The following ARHGAP29 variants were observed in gnomAD, a reference collection of about 807,000 sequenced individuals.
ARHGAP29 encodes Rho GTPase activating protein 29.
ARHGAP29 carries 43 observed loss-of-function variants against 122.6 expected under a neutral mutation model. The ratio of observed to expected loss-of-function variants is 0.35; its 90% CI spans 0.27 to 0.45. The LOEUF is 0.45. Among genes scored for constraint, ARHGAP29 ranks in the 20% least tolerant of loss-of-function variants. The pLI is 1.00. For missense variants in ARHGAP29, 1,303 were observed against 1,477.2 expected, an observed-to-expected ratio of 0.88 and a Z score of 1.93; for synonymous variants, 506 against 497.1, an observed-to-expected ratio of 1.02 and a Z score of -0.24.
chr1:94,246,833 C>T (rs1035513812), intron 1 of ARHGAP29, among the ~76,000 whole-genome samples: 7 of 152,066 alleles, frequency 4.6e-5, no homozygotes, highest in African/African-American at 1.7e-4. Flanking sequence ...TTGTCCCTTC[C>T]TATTTTGCAG....
chr1:94,236,145 G>A (rs1434707429), intron 1 of ARHGAP29, among the ~76,000 whole-genome samples: 1 of 152,136 alleles, frequency 6.6e-6, no homozygotes, highest in African/African-American at 2.4e-5. Flanking sequence ...GTTTTAAAAA[G>A]CACTCTCCAC....
At chr1:94,281,134 A>G in the ARHGAP29 span, among the ~76,000 whole-genome samples, 1 of 152,306 alleles carries the variant, frequency 6.6e-6, no homozygotes, top group Non-Finnish European at 1.5e-5. Context: ...AGACACAAAA[A>G]ACAGTGGAAT....
chr1:94,237,360 C>A (rs1232151503), intron 1 of ARHGAP29, 55 bp downstream of exon 1: 9 of 978,804 alleles, frequency 9.2e-6, no homozygotes, highest in Non-Finnish European at 1.1e-5. Flanking sequence ...CGGGCAACCC[C>A]AGCCCGGAGC....
rs557943658 is a variant in ARHGAP29 at position 94,189,510 on chromosome 1, T to C, written c.1440-158A>G. 2.0e-4 allele frequency among the ~76,000 whole-genome samples: 30 copies of C among 152,310 alleles called. No homozygotes were observed. In the South Asian group the frequency reaches 3.3e-3, roughly 17 times the overall value. On this transcript the variant is annotated intron_variant, in intron 13 of 22. Coordinates refer to ENST00000260526, the MANE Select transcript of ARHGAP29 (RefSeq NM_004815.4). ...ACCACACTCATGGTTCAGCTTCTTA[T>C]AGGAGATGTAAATACTTTTTAATTA...
At chr1:94,235,035 A>G (rs1653165345) in intron 1 of ARHGAP29, among the ~76,000 whole-genome samples, 1 of 152,166 alleles carries the variant, frequency 6.6e-6, no homozygotes, top group Non-Finnish European at 1.5e-5. Flanking sequence ...AATCTGCAAA[A>G]AACAAACACA....
At chr1:94,235,922 T>C (rs1407389542) in intron 1 of ARHGAP29, among the ~76,000 whole-genome samples, 1 of 152,188 alleles carries the variant, frequency 6.6e-6, no homozygotes, top group Admixed American at 6.5e-5. Flanking sequence ...ATTACGGCAG[T>C]AGTTTCATTT....
At chr1:94,312,253 C>T in the ARHGAP29 span, among the ~76,000 whole-genome samples, 1 of 152,112 alleles carries the variant, frequency 6.6e-6, no homozygotes, top group Non-Finnish European at 1.5e-5. Context: ...ATGAACTCCA[C>T]ATTGCCAAAT....
At position 94,177,915 on chromosome 1, in the gene ARHGAP29, C is replaced by G. The variant is rs949796673; in HGVS notation, c.2733G>C (p.Leu911=). 1.9e-6 allele frequency: 3 copies of G among 1,614,092 alleles called. No homozygotes were observed. The East Asian group carries it at 6.7e-5, about 36-fold the overall frequency. The stretch of plus-strand genomic sequence containing the variant: ...CAATGTCTCTTTCTTCTGGTGATAA[C>G]AGAGGCTTTGGAAAACAGCCTTGAT... ...VVDQGCFPKP[L]LSPEERDIER... The change falls in exon 21 of 23, where the codon CTG becomes CTC. Residue 911 remains leucine (L), a synonymous_variant. Transcript: ENST00000260526.
intron 1 of ARHGAP29, among the ~76,000 whole-genome samples, chr1:94,261,051 A>G (rs1654540540): frequency 6.6e-6 from 1 of 152,178 alleles, no homozygotes; most frequent in South Asian, 2.1e-4. Flanking sequence ...GAAACATTAA[A>G]AAACCAGGCC....
chr1:94,226,861 A>C (rs540663372), intron 2 of ARHGAP29, among the ~76,000 whole-genome samples: 4 of 152,118 alleles, frequency 2.6e-5, no homozygotes, highest in Non-Finnish European at 5.9e-5. Flanking sequence ...TTCTAGGATA[A>C]GACAGAGCAG....
chr1:94,189,233 T>C lies in ARHGAP29; in HGVS notation c.1559A>G (p.Asn520Ser). Residue 520 changes from asparagine (N) to serine (S), a missense_variant, in exon 14 of 23, where the codon AAC (asparagine) becomes AGC (serine). By Grantham distance (46) the Asn-to-Ser change is conservative. Transcript: ENST00000260526. ...AAAACTACCTGTTATATCTGCACTG[T>C]TAGAGCATCTGTCCTCTTCAATTTT... Reference protein sequence around the residue: ...SNKIEEDRCSNSADITGPSFI... With the variant: ...SNKIEEDRCSSSADITGPSFI... The C allele has an allele frequency of 6.2e-7, 1 of 1,611,902 alleles. No individual in the cohort carries two copies. The highest frequency in any genetic ancestry group is 8.5e-7 in the Non-Finnish European group (1 of 1,179,252).
upstream of ARHGAP29, among the ~76,000 whole-genome samples, chr1:94,276,376 C>T (rs1373228515): frequency 3.3e-5 from 5 of 151,786 alleles, no homozygotes; most frequent in Non-Finnish European, 5.9e-5. Context: ...TCTGATGGGG[C>T]ACTCTCAGAG....
At chr1:94,230,955 T>C (rs924384396) in intron 2 of ARHGAP29, among the ~76,000 whole-genome samples, 1 of 151,526 alleles carries the variant, frequency 6.6e-6, no homozygotes, top group Non-Finnish European at 1.5e-5. Context: ...GTCTGATTTT[T>C]GTTAAAAAAA....
intron 1 of ARHGAP29, among the ~76,000 whole-genome samples, chr1:94,259,826 A>T (rs531706632): frequency 1.3e-5 from 2 of 152,332 alleles, no homozygotes; most frequent in African/African-American, 4.8e-5. Context: ...AAAAAAATTT[A>T]AATACTAAAA....
chr1:94,195,418 A>G (rs931669277), intron 12 of ARHGAP29: 6 of 152,200 alleles, frequency 3.9e-5, no homozygotes, highest in African/African-American at 1.4e-4. Flanking sequence ...AAAACATTTA[A>G]AAGTTAGGAA....
chr1:94,268,534 G>C (rs922943760), intron 1 of ARHGAP29, among the ~76,000 whole-genome samples: 6 of 151,962 alleles, frequency 3.9e-5, no homozygotes, highest in Non-Finnish European at 5.9e-5. Context: ...CATGGGTAAG[G>C]GTTTTTGTCT....
chr1:94,209,119 G>A (rs1651410855), intron 4 of ARHGAP29, 135 bp downstream of exon 4: 3 of 799,146 alleles, frequency 3.8e-6, no homozygotes, highest in Non-Finnish European at 6.1e-6. Context: ...AGGCCATACA[G>A]AAGGTAGTTT....
chr1:94,303,151 C>T, the ARHGAP29 span: 1 of 152,510 alleles, frequency 6.6e-6, no homozygotes, highest in Admixed American at 6.5e-5. Context: ...GTTTCTACAT[C>T]AGACACCCTG....
At chr1:94,246,877 A>G (rs2100686585) in intron 1 of ARHGAP29, among the ~76,000 whole-genome samples, 1 of 152,170 alleles carries the variant, frequency 6.6e-6, no homozygotes, top group Non-Finnish European at 1.5e-5. Flanking sequence ...ATGGCTGGGA[A>G]AAGGTGGAAG....
Sources: gnomAD v4.1 joint callset for allele counts (sites outside exome capture counted in the v4.1 genomes callset) on GRCh38, gnomAD v4.1.1 for gene constraint, MANE v1.5 for transcripts, NCBI Gene and HGNC (gene_info 2026-07-23, HGNC 2026-07-21) for gene names.